Variants in RPS6KC1 observed in about 807,000 individuals in gnomAD.
The protein encoded by RPS6KC1 is inactive ribosomal protein S6 kinase delta-1.
In RPS6KC1, 54 loss-of-function variants were observed where a neutral mutation model predicts 103.8. That is an observed-to-expected ratio of 0.52 (90% CI 0.42 to 0.65). The LOEUF (loss-of-function observed/expected upper bound fraction) is 0.65. Ranked by LOEUF, RPS6KC1 falls within the 30% of genes least tolerant of loss-of-function variation. The probability of loss-of-function intolerance (pLI) is 0.00; values close to 1 mark genes in which losing one functional copy is unlikely to be tolerated. For missense variants in RPS6KC1, 1,151 were observed against 1,253.8 expected, an observed-to-expected ratio of 0.92 and a Z score of 1.24; for synonymous variants, 439 against 438.7, an observed-to-expected ratio of 1.00 and a Z score of -0.01.
At chr1:213,492,583 T>C in the RPS6KC1 span, 1 of 152,236 alleles carries the variant, frequency 6.6e-6, no homozygotes, top group African/African-American at 2.4e-5. Flanking sequence ...GAGGTAAGTG[T>C]TTTCTCTCAC....
At chr1:213,470,381 T>C in the RPS6KC1 span, among the ~76,000 whole-genome samples, 1 of 152,234 alleles carries the variant, frequency 6.6e-6, no homozygotes, top group Admixed American at 6.5e-5. Context: ...TAGTTTGTCC[T>C]GTAAACTGGT....
the RPS6KC1 span, among the ~76,000 whole-genome samples, chr1:213,377,587 T>C: frequency 1.3e-5 from 2 of 152,254 alleles, no homozygotes; most frequent in African/African-American, 4.8e-5. Context: ...TGTTTTATCA[T>C]CCTTATTTGT....
chr1:213,382,394 C>T, the RPS6KC1 span, among the ~76,000 whole-genome samples: 1 of 152,118 alleles, frequency 6.6e-6, no homozygotes, highest in African/African-American at 2.4e-5. Context: ...GGGAAGGTGT[C>T]TGTATGGCGA....
the RPS6KC1 span, among the ~76,000 whole-genome samples, chr1:213,356,813 A>G: frequency 1.3e-5 from 2 of 151,884 alleles, no homozygotes; most frequent in Non-Finnish European, 2.9e-5. Flanking sequence ...GCCTGCTTTC[A>G]GGAACTTCTT....
the RPS6KC1 span, among the ~76,000 whole-genome samples, chr1:213,432,159 A>G: frequency 4.6e-5 from 7 of 152,168 alleles, no homozygotes. Flanking sequence ...TGTTTTCTAG[A>G]TACAAGTCCT....
chr1:213,614,621 T>C, the RPS6KC1 span, among the ~76,000 whole-genome samples: 1 of 152,208 alleles, frequency 6.6e-6, no homozygotes, highest in Non-Finnish European at 1.5e-5. Context: ...CAGAAATCAC[T>C]TCTTTATTTC....
At chr1:213,828,296 A>G in the RPS6KC1 span, among the ~76,000 whole-genome samples, 1 of 152,296 alleles carries the variant, frequency 6.6e-6, no homozygotes, top group South Asian at 2.1e-4. Flanking sequence ...TTCTCCCCAC[A>G]GTGCCACATC....
chr1:213,516,543 C>T, the RPS6KC1 span, among the ~76,000 whole-genome samples: 1 of 152,120 alleles, frequency 6.6e-6, no homozygotes, highest in Non-Finnish European at 1.5e-5. Context: ...TATTGATTTG[C>T]ATATGTTGAA....
the RPS6KC1 span, among the ~76,000 whole-genome samples, chr1:213,621,923 A>G: frequency 0.069 from 10,539 of 152,074 alleles, 669 homozygotes; most frequent in East Asian, 0.3. Flanking sequence ...GGGCTGGCCG[A>G]CCCTGGGCAA....
the RPS6KC1 span, among the ~76,000 whole-genome samples, chr1:213,851,541 G>C: frequency 2.6e-5 from 4 of 151,998 alleles, no homozygotes; most frequent in Non-Finnish European, 5.9e-5. Flanking sequence ...ATGACACGTT[G>C]AGCGAGATTG....
At chr1:213,550,237 C>G in the RPS6KC1 span, among the ~76,000 whole-genome samples, 1 of 152,182 alleles carries the variant, frequency 6.6e-6, no homozygotes, top group South Asian at 2.1e-4. Context: ...ATTGCGGTGT[C>G]AGACCCAGGG....
At chr1:213,632,421 C>G in the RPS6KC1 span, among the ~76,000 whole-genome samples, 1 of 152,158 alleles carries the variant, frequency 6.6e-6, no homozygotes, top group African/African-American at 2.4e-5. Flanking sequence ...AGTGGACATC[C>G]AGCAAACTCC....
the RPS6KC1 span, among the ~76,000 whole-genome samples, chr1:213,768,204 TC>T: frequency 6.6e-6 from 1 of 152,190 alleles, no homozygotes; most frequent in African/African-American, 2.4e-5. Context: ...CAGCGGGGAC[TC>T]AGTGTCCACC....
intron 7 of RPS6KC1, among the ~76,000 whole-genome samples, chr1:213,169,673 G>T (rs1038051486): frequency 6.6e-6 from 1 of 151,686 alleles, no homozygotes; most frequent in Non-Finnish European, 1.5e-5. Context: ...ATTTCATTTT[G>T]GGGGGGCATT....
the RPS6KC1 span, among the ~76,000 whole-genome samples, chr1:213,341,718 A>G: frequency 1.3e-5 from 2 of 152,218 alleles, no homozygotes; most frequent in African/African-American, 4.8e-5. Flanking sequence ...ACATGCTATT[A>G]TTGTCTTTGT....
chr1:213,413,994 C>T, the RPS6KC1 span, among the ~76,000 whole-genome samples: 1 of 152,176 alleles, frequency 6.6e-6, no homozygotes, highest in Non-Finnish European at 1.5e-5. Flanking sequence ...TCTGTCTGTC[C>T]TCTGTGGTTG....
intron 5 of RPS6KC1, among the ~76,000 whole-genome samples, chr1:213,128,149 A>G (rs1464054394): frequency 6.6e-6 from 1 of 152,228 alleles, no homozygotes; most frequent in Non-Finnish European, 1.5e-5. Flanking sequence ...CTTTCATCCA[A>G]AACAACATAT....
At chr1:213,849,056 G>A in the RPS6KC1 span, among the ~76,000 whole-genome samples, 1 of 152,220 alleles carries the variant, frequency 6.6e-6, no homozygotes, top group Admixed American at 6.5e-5. Context: ...ACCAGTGCAT[G>A]AGTCCAGTGG....
At chr1:213,130,821 A>G (rs2085518877) in intron 6 of RPS6KC1, among the ~76,000 whole-genome samples, 1 of 152,000 alleles carries the variant, frequency 6.6e-6, no homozygotes. Flanking sequence ...CCCATTTCCT[A>G]ATGCCACCAA....
Sources: allele counts gnomAD v4.1 joint callset (sites outside exome capture counted in the v4.1 genomes callset), GRCh38; gene constraint gnomAD v4.1.1; transcripts MANE v1.5; gene names NCBI Gene and HGNC (gene_info 2026-07-23, HGNC 2026-07-21).